Variants in MYO1F observed in about 807,000 individuals in gnomAD.
MYO1F encodes unconventional myosin-If.
MYO1F carries 60 observed loss-of-function variants against 146.6 expected under a neutral mutation model. The observed-to-expected ratio is 0.41, with a 90% CI of 0.33 to 0.51. The LOEUF (loss-of-function observed/expected upper bound fraction) is 0.51, where lower values mean the gene tolerates loss of function less well. MYO1F is among the 20% of genes least tolerant of loss of function. MYO1F has a pLI of 0.25. For synonymous variants in MYO1F, 602 were observed against 602.1 expected, an observed-to-expected ratio of 1.00 and a Z score of 0.00; for missense variants, 1,274 against 1,534.3, an observed-to-expected ratio of 0.83 and a Z score of 2.83.
intron 1 of MYO1F, among the ~76,000 whole-genome samples, chr19:8,562,223 G>C (rs1974172462): frequency 1.3e-5 from 2 of 151,042 alleles, no homozygotes; most frequent in Admixed American, 1.3e-4. Context: ...GGATGGTCTT[G>C]ATCTCCTGAC....
intron 1 of MYO1F, among the ~76,000 whole-genome samples, chr19:8,561,389 CT>C (rs1974103337): frequency 7.9e-5 from 8 of 100,882 alleles, no homozygotes; most frequent in African/African-American, 1.2e-4. Flanking sequence ...TTCCCCCCTT[CT>C]TTCCTTCCTT....
At chr19:8,568,144 C>T (rs2042039553) in intron 1 of MYO1F, among the ~76,000 whole-genome samples, 1 of 152,106 alleles carries the variant, frequency 6.6e-6, no homozygotes, top group Non-Finnish European at 1.5e-5. Flanking sequence ...ACAGGCTGGG[C>T]CGGGCACGGT....
chr19:8,566,268 C>T (rs62119405), intron 1 of MYO1F, among the ~76,000 whole-genome samples: 43,000 of 144,694 alleles, frequency 0.3, 6,595 homozygotes, highest in East Asian at 0.6. Flanking sequence ...CCCGGGTTCA[C>T]GCCATTCTCC....
intron 21 of MYO1F, among the ~76,000 whole-genome samples, chr19:8,528,866 T>A (rs1296462864): frequency 6.6e-6 from 1 of 152,136 alleles, no homozygotes; most frequent in East Asian, 1.9e-4. Flanking sequence ...TATGAGTTTG[T>A]ACAGGAAGGC....
intron 1 of MYO1F, among the ~76,000 whole-genome samples, chr19:8,574,276 C>T (rs1230835134): frequency 6.6e-6 from 1 of 152,174 alleles, no homozygotes; most frequent in Non-Finnish European, 1.5e-5. Context: ...CAGCAATGAC[C>T]ACTCGCAGCA....
Position 8,575,472 on chromosome 19 carries a change from G to A in MYO1F, c.3+1835C>T, listed in dbSNP as rs577776560. On this transcript the variant is annotated intron_variant, in intron 1 of 27. Transcript: ENST00000644032. ...CCTGTGATAATCTAATGGCGCCCCC[G>A]AGAATCTGAGAGGAGGTGGAGCTCG... Among the ~76,000 whole-genome samples the A allele has an allele frequency of 5.5e-4, 84 of 152,006 alleles. 2 individuals are homozygous for A. Among genetic ancestry groups the A allele is most frequent in the African/African-American group, 2.0e-3 (82 of 41,472 alleles).
chr19:8,544,571 A>T, intron 13 of MYO1F, 107 bp from the exon 14 acceptor site: 4 of 869,076 alleles, frequency 4.6e-6, no homozygotes, highest in Middle Eastern at 3.8e-4. Flanking sequence ...GAGTGGAGGG[A>T]GCTAGAGCTT....
intron 1 of MYO1F, among the ~76,000 whole-genome samples, chr19:8,570,873 G>A (rs1189190151): frequency 6.6e-6 from 1 of 152,026 alleles, no homozygotes; most frequent in Non-Finnish European, 1.5e-5. Flanking sequence ...TTTTAGATTG[G>A]GCAGCTCACC....
chr19:8,552,132 A>G lies in MYO1F; in HGVS notation c.537T>C (p.Gly179=). The G allele has an allele frequency of 6.2e-7, 1 of 1,613,986 alleles. No homozygotes were observed. Among genetic ancestry groups the G allele is most frequent in the East Asian group, 2.2e-5 (1 of 44,864 alleles). ...GKYFEIQFSR[G]GEPDGGKISN... ...AGATCTTGCCCCCATCTGGCTCCCC[A>G]CCTCGGCTGAACTGGATCTCAAAGT... Residue 179 remains glycine, a synonymous_variant, in exon 7 of 28, where the codon GGT becomes GGC. Coordinates refer to ENST00000644032, the MANE Select transcript of MYO1F (RefSeq NM_012335.4).
At chr19:8,572,638 A>T (rs1464647923) in intron 1 of MYO1F, among the ~76,000 whole-genome samples, 2 of 151,956 alleles carry the variant, frequency 1.3e-5, no homozygotes, top group East Asian at 3.9e-4. Flanking sequence ...GTCCATCCTC[A>T]TGGCCACTGA....
At chr19:8,538,055 T>C (rs1343875919) in intron 16 of MYO1F, among the ~76,000 whole-genome samples, 2 of 151,996 alleles carry the variant, frequency 1.3e-5, no homozygotes, top group African/African-American at 2.4e-5. Context: ...CACTGCAACC[T>C]CCGTCTCCCA....
At chr19:8,527,622 T>C in intron 21 of MYO1F, 139 bp from the exon 22 acceptor site, 2 of 1,071,804 alleles carry the variant, frequency 1.9e-6, no homozygotes, top group Non-Finnish European at 2.7e-6. Context: ...GTATGAGTCG[T>C]CTGTTTTGTA....
chr19:8,548,599 T>C (rs1193919355), intron 10 of MYO1F, among the ~76,000 whole-genome samples: 6 of 143,722 alleles, frequency 4.2e-5, no homozygotes, highest in Non-Finnish European at 7.4e-5. Flanking sequence ...TTTCTTTTTT[T>C]TTTTTTCTTT....
chr19:8,524,790 G>A (rs979780508), intron 25 of MYO1F, among the ~76,000 whole-genome samples: 27 of 152,108 alleles, frequency 1.8e-4, no homozygotes, highest in African/African-American at 6.0e-4. Flanking sequence ...CTGTGGGTAC[G>A]TCTTGGTGGA....
At chr19:8,574,717 T>A (rs1555733347) in intron 1 of MYO1F, among the ~76,000 whole-genome samples, 1 of 149,070 alleles carries the variant, frequency 6.7e-6, no homozygotes, top group African/African-American at 2.5e-5. Context: ...TTCTTTTTCT[T>A]TCTCTTTCTT....
In MYO1F at chr19:8,542,005, T is replaced by A. The variant is rs1324637900; in HGVS notation, c.1525-14A>T. The stretch of plus-strand genomic sequence containing the variant: ...GTCGTAGGAGACCTGGAGGGGACAG[T>A]GCTGAGGACAGTGAGGGACTGAGAA... On this transcript the variant is annotated splice_polypyrimidine_tract_variant and intron_variant, in intron 14 of 27. Transcript: ENST00000644032. 1 of 1,608,890 alleles carries A rather than the reference T, an allele frequency of 6.2e-7. No individual in the cohort carries two copies. The highest frequency in any genetic ancestry group is 1.3e-5 in the African/African-American group (1 of 74,672).
chr19:8,562,295 C>T lies in MYO1F; in HGVS notation c.4-6499G>A, dbSNP rs141996403. On this transcript the variant is annotated intron_variant, in intron 1 of 27. Coordinates refer to ENST00000644032, the MANE Select transcript of MYO1F (RefSeq NM_012335.4). Reference sequence around the variant, plus strand: ...GGATTATAGGCATGAGCCACCGCACCGGCCCTTCCTTTCTTTTTCTTGTCT... The same window carrying T: ...GGATTATAGGCATGAGCCACCGCACTGGCCCTTCCTTTCTTTTTCTTGTCT... Among the ~76,000 whole-genome samples, 399 of 152,024 alleles carry T rather than the reference C, an allele frequency of 2.6e-3. 1 individual carries two copies. Among genetic ancestry groups the T allele is most frequent in the African/African-American group, 9.0e-3 (373 of 41,474 alleles).
chr19:8,562,860 C>T (rs1009441921), intron 1 of MYO1F, among the ~76,000 whole-genome samples: 18 of 152,112 alleles, frequency 1.2e-4, no homozygotes, highest in East Asian at 1.9e-4. Flanking sequence ...AAACTCACTT[C>T]GTTGAAAGTC....
chr19:8,536,438 C>T, intron 18 of MYO1F, 42 bp from the exon 19 acceptor site: 1 of 1,608,048 alleles, frequency 6.2e-7, no homozygotes, highest in Non-Finnish European at 8.5e-7. Context: ...TCATAGCAGA[C>T]AGGCCTGGCT....
Sources: allele counts gnomAD v4.1 joint callset (sites outside exome capture counted in the v4.1 genomes callset), GRCh38; gene constraint gnomAD v4.1.1; transcripts MANE v1.5; gene names NCBI Gene and HGNC (gene_info 2026-07-23, HGNC 2026-07-21).